Variants in CPEB3 observed in about 807,000 individuals in gnomAD.
CPEB3 encodes the protein cytoplasmic polyadenylation element-binding protein 3.
A neutral mutation model predicts 67.2 loss-of-function variants in CPEB3; 20 were observed. The observed-to-expected ratio is 0.30, with a 90% CI of 0.21 to 0.43. CPEB3 has a LOEUF of 0.43. Ranked by LOEUF, CPEB3 falls within the 20% of genes least tolerant of loss-of-function variation. CPEB3 has a pLI of 1.00. For missense variants in CPEB3, 746 were observed against 968.6 expected (o/e 0.77, Z 3.05); for synonymous variants, 376 against 393.1 (o/e 0.96, Z 0.51).
At chr10:92,084,171 A>T (rs1436539503) in intron 8 of CPEB3, among the ~76,000 whole-genome samples, 1 of 151,926 alleles carries the variant, frequency 6.6e-6, no homozygotes, top group African/African-American at 2.4e-5. Context: ...TCTCAAAAAA[A>T]AAAAAAAAAA....
At chr10:92,209,346 G>T (rs1266207519) in intron 2 of CPEB3, among the ~76,000 whole-genome samples, 5 of 152,152 alleles carry the variant, frequency 3.3e-5, no homozygotes, top group Non-Finnish European at 7.4e-5. Context: ...CCAACATGGT[G>T]AAACTCCATT....
intron 6 of CPEB3, chr10:92,118,839 C>A (rs1345726919): frequency 1.3e-6 from 1 of 779,006 alleles, no homozygotes; most frequent in Non-Finnish European, 2.4e-6. Flanking sequence ...TACAGTTGGT[C>A]TCTTCCCATG....
intron 3 of CPEB3, among the ~76,000 whole-genome samples, chr10:92,190,432 G>A (rs1461026827): frequency 1.3e-5 from 2 of 151,866 alleles, no homozygotes; most frequent in Admixed American, 6.6e-5. Flanking sequence ...TTGGGAGGCC[G>A]AGGCAGGTGG....
At chr10:92,211,568 G>A (rs977589203) in intron 2 of CPEB3, among the ~76,000 whole-genome samples, 12 of 145,498 alleles carry the variant, frequency 8.2e-5, no homozygotes, top group African/African-American at 2.1e-4. Flanking sequence ...ACAGAGTCTC[G>A]CTCTGTTGCC....
At chr10:92,162,799 T>C (rs966574286) in intron 4 of CPEB3, among the ~76,000 whole-genome samples, 1 of 152,202 alleles carries the variant, frequency 6.6e-6, no homozygotes, top group Non-Finnish European at 1.5e-5. Context: ...TGCATTCTTA[T>C]ACATGTGACT....
chr10:92,262,367 T>A (rs1301590017), intron 1 of CPEB3, among the ~76,000 whole-genome samples: 1 of 152,228 alleles, frequency 6.6e-6, no homozygotes, highest in African/African-American at 2.4e-5. Context: ...TTTATTGAAC[T>A]CATATTACTT....
chr10:92,266,103 G>A (rs981306049), intron 1 of CPEB3, among the ~76,000 whole-genome samples: 1 of 152,124 alleles, frequency 6.6e-6, no homozygotes, highest in African/African-American at 2.4e-5. Context: ...CCAGCAAGAA[G>A]GGCCTCAACA....
chr10:92,077,084 G>C (rs1360635582), intron 9 of CPEB3, among the ~76,000 whole-genome samples: 1 of 152,132 alleles, frequency 6.6e-6, no homozygotes, highest in African/African-American at 2.4e-5. Flanking sequence ...AACAAGGTTT[G>C]CCTAGTGATA....
intron 2 of CPEB3, among the ~76,000 whole-genome samples, chr10:92,211,912 G>A (rs1311543692): frequency 6.6e-6 from 1 of 150,906 alleles, no homozygotes; most frequent in African/African-American, 2.4e-5. Context: ...TGTTGCCCAG[G>A]CTGGAGTGCA....
intron 4 of CPEB3, among the ~76,000 whole-genome samples, chr10:92,162,814 A>C (rs1847553749): frequency 6.6e-6 from 1 of 152,152 alleles, no homozygotes; most frequent in African/African-American, 2.4e-5. Flanking sequence ...GTGACTCCCC[A>C]AGGGAAGGGC....
intron 1 of CPEB3, among the ~76,000 whole-genome samples, chr10:92,267,882 G>A (rs192231774): frequency 3.3e-5 from 5 of 152,264 alleles, no homozygotes; most frequent in East Asian, 3.9e-4. Flanking sequence ...GCAGTGGCAC[G>A]ATCTCGGCTC....
At chr10:92,089,000 G>A (rs1021510507) in intron 8 of CPEB3, among the ~76,000 whole-genome samples, 13 of 152,156 alleles carry the variant, frequency 8.5e-5, no homozygotes, top group Non-Finnish European at 1.6e-4. Flanking sequence ...TTGACTGTCT[G>A]TAAATGATTA....
At chr10:92,053,486 C>A (rs1037780080) in intron 9 of CPEB3, among the ~76,000 whole-genome samples, 1 of 151,682 alleles carries the variant, frequency 6.6e-6, no homozygotes, top group African/African-American at 2.4e-5. Flanking sequence ...GCCTCAGCCT[C>A]GCGAGTAGCT....
chr10:92,278,245 A>G (rs1842085092), intron 1 of CPEB3, among the ~76,000 whole-genome samples: 2 of 152,136 alleles, frequency 1.3e-5, no homozygotes, highest in Non-Finnish European at 2.9e-5. Flanking sequence ...TACAAATTTT[A>G]GGATTAGATT....
chr10:92,262,825 C>CT (rs1201282436), intron 1 of CPEB3, among the ~76,000 whole-genome samples: 13 of 152,128 alleles, frequency 8.5e-5, no homozygotes, highest in South Asian at 6.2e-4. Flanking sequence ...ATTAAAGCAT[C>CT]TTTTTTTTGA....
chr10:92,156,795 G>A (rs1847229871), intron 4 of CPEB3, among the ~76,000 whole-genome samples: 1 of 152,100 alleles, frequency 6.6e-6, no homozygotes, highest in African/African-American at 2.4e-5. Flanking sequence ...ACATGATGAT[G>A]ATGAAAAGCA....
chr10:92,063,768 A>AC (rs985161258), intron 9 of CPEB3, among the ~76,000 whole-genome samples: 11 of 152,106 alleles, frequency 7.2e-5, no homozygotes, highest in African/African-American at 2.4e-4. Context: ...GTATCCAAAA[A>AC]AAAAAAAATC....
intron 7 of CPEB3, among the ~76,000 whole-genome samples, chr10:92,094,435 T>C (rs1398659322): frequency 2.6e-5 from 4 of 151,912 alleles, no homozygotes; most frequent in Non-Finnish European, 5.9e-5. Context: ...ACCCCGTTTC[T>C]ACTAAAGATA....
At chr10:92,201,172 C>T (rs189108169) in intron 2 of CPEB3, among the ~76,000 whole-genome samples, 5 of 152,190 alleles carry the variant, frequency 3.3e-5, no homozygotes, top group Admixed American at 2.6e-4. Flanking sequence ...GAGGCCAACC[C>T]AGGAAGGATA....
Sources: gnomAD v4.1 joint callset for allele counts (sites outside exome capture counted in the v4.1 genomes callset) on GRCh38, gnomAD v4.1.1 for gene constraint, MANE v1.5 for transcripts, NCBI Gene and HGNC (gene_info 2026-07-23, HGNC 2026-07-21) for gene names.